The following KIFAP3 variants were observed in gnomAD, a reference collection of about 807,000 sequenced individuals.
KIFAP3 encodes kinesin-associated protein 3.
In KIFAP3, 68 loss-of-function variants were observed where a neutral mutation model predicts 106.5. The observed-to-expected ratio is 0.64, with a 90% CI of 0.53 to 0.78. The LOEUF (loss-of-function observed/expected upper bound fraction) is 0.78. KIFAP3 is among the 30% of genes least tolerant of loss of function. The pLI, the probability that KIFAP3 is intolerant of heterozygous loss-of-function variation, is 0.00. For synonymous variants in KIFAP3, 320 were observed against 311.5 expected, an observed-to-expected ratio of 1.03 and a Z score of -0.29; for missense variants, 780 against 941.8, an observed-to-expected ratio of 0.83 and a Z score of 2.25.
At position 169,982,214 on chromosome 1, in the gene KIFAP3, G is replaced by T; in HGVS notation, c.1673-117C>A. On this transcript the variant is annotated intron_variant, in intron 14 of 19. Transcript: ENST00000361580. Reference sequence around the variant, plus strand: ...TGAAAGCTATTAAATCAAGTCATATGAATCCTTGATATGCTATAAATTTGT... The same window carrying T: ...TGAAAGCTATTAAATCAAGTCATATTAATCCTTGATATGCTATAAATTTGT... 8 of 1,069,764 alleles carry T rather than the reference G, an allele frequency of 7.5e-6. No homozygotes were observed. In the South Asian group the frequency reaches 9.5e-5, roughly 13 times the overall value. 66.3% of individuals were successfully genotyped at this position (1,069,764 alleles called of 1,614,324 possible).
intron 1 of KIFAP3, among the ~76,000 whole-genome samples, chr1:170,070,283 G>C (rs1356394822): frequency 6.6e-6 from 1 of 151,916 alleles, no homozygotes; most frequent in Non-Finnish European, 1.5e-5. Context: ...TTTTTTTGCA[G>C]AAATGAAAAA....
chr1:170,022,374 T>C (rs1271874838), intron 9 of KIFAP3, among the ~76,000 whole-genome samples: 1 of 152,128 alleles, frequency 6.6e-6, no homozygotes, highest in Admixed American at 6.5e-5. Context: ...CCTTTCTCAG[T>C]GTTTCTGGAA....
intron 18 of KIFAP3, among the ~76,000 whole-genome samples, chr1:169,960,102 TTAA>T (rs1401705591): frequency 1.3e-5 from 2 of 152,152 alleles, no homozygotes; most frequent in African/African-American, 4.8e-5. Flanking sequence ...AGTGGTATTA[TTAA>T]TGTGAGTACA....
chr1:170,051,141 A>G (rs1670554323), intron 2 of KIFAP3, among the ~76,000 whole-genome samples: 1 of 151,922 alleles, frequency 6.6e-6, no homozygotes. Flanking sequence ...GAATGGAGGA[A>G]TATTTACCAA....
chr1:170,053,724 C>A (rs147819074), intron 2 of KIFAP3, among the ~76,000 whole-genome samples: 3,748 of 149,998 alleles, frequency 0.025, 201 homozygotes, highest in African/African-American at 0.077. Flanking sequence ...ACAAATCTGA[C>A]AAAAACAAGA....
chr1:170,023,742 T>C (rs1187314364), intron 9 of KIFAP3, among the ~76,000 whole-genome samples: 1 of 152,050 alleles, frequency 6.6e-6, no homozygotes, highest in African/African-American at 2.4e-5. Context: ...ATTTCTATAC[T>C]ATGTATATTC....
intron 17 of KIFAP3, among the ~76,000 whole-genome samples, chr1:169,965,418 C>T (rs756428483): frequency 1.3e-5 from 2 of 151,942 alleles, no homozygotes; most frequent in Non-Finnish European, 2.9e-5. Flanking sequence ...GTGCCCAAAG[C>T]ATATAAAATA....
At chr1:169,986,985 C>T (rs1455686676) in intron 11 of KIFAP3, among the ~76,000 whole-genome samples, 1 of 151,802 alleles carries the variant, frequency 6.6e-6, no homozygotes, top group Non-Finnish European at 1.5e-5. Flanking sequence ...ACTCCCATTC[C>T]CCATATCGAG....
intron 4 of KIFAP3, among the ~76,000 whole-genome samples, chr1:170,039,002 GA>G (rs1289976007): frequency 6.6e-6 from 1 of 152,220 alleles, no homozygotes; most frequent in Non-Finnish European, 1.5e-5. Context: ...AAAATCGCTT[GA>G]ACCCGGGAGG....
intron 3 of KIFAP3, chr1:170,041,959 T>A: frequency 1.1e-6 from 1 of 887,234 alleles, no homozygotes; most frequent in Non-Finnish European, 1.6e-6. Context: ...GTTTTAGAGT[T>A]CTGACTTATC....
chr1:170,003,085 T>C (rs1667746279), intron 10 of KIFAP3, among the ~76,000 whole-genome samples: 1 of 152,180 alleles, frequency 6.6e-6, no homozygotes, highest in African/African-American at 2.4e-5. Context: ...AACATTTTTA[T>C]TAAAGTACAA....
intron 1 of KIFAP3, among the ~76,000 whole-genome samples, chr1:170,058,518 G>C (rs956753350): frequency 4.6e-5 from 7 of 152,084 alleles, no homozygotes; most frequent in Non-Finnish European, 1.0e-4. Flanking sequence ...ACAGTTTACA[G>C]CATGGGTATG....
chr1:170,016,032 AT>A (rs923045084), intron 10 of KIFAP3, among the ~76,000 whole-genome samples: 26 of 152,254 alleles, frequency 1.7e-4, no homozygotes, highest in East Asian at 1.2e-3. Flanking sequence ...ATTAAAAAAA[AT>A]ATACCCTTTT....
At chr1:170,010,293 TCAAA>T (rs888303988) in intron 10 of KIFAP3, among the ~76,000 whole-genome samples, 1 of 151,948 alleles carries the variant, frequency 6.6e-6, no homozygotes, top group Non-Finnish European at 1.5e-5. Flanking sequence ...TCAAAACTAC[TCAAA>T]CAATTTCAGC....
intron 12 of KIFAP3, among the ~76,000 whole-genome samples, chr1:169,984,343 A>C (rs1487816731): frequency 6.6e-6 from 1 of 151,820 alleles, no homozygotes; most frequent in Non-Finnish European, 1.5e-5. Context: ...ATGTTTTAAA[A>C]ATCAAATTTC....
At chr1:170,047,666 A>G (rs1304210864) in intron 2 of KIFAP3, among the ~76,000 whole-genome samples, 1 of 150,850 alleles carries the variant, frequency 6.6e-6, no homozygotes, top group Non-Finnish European at 1.5e-5. Context: ...TTTAAGATCT[A>G]TATGAGGAAT....
chr1:169,933,215 T>C (rs1405880437), intron 19 of KIFAP3, among the ~76,000 whole-genome samples: 2 of 152,024 alleles, frequency 1.3e-5, no homozygotes, highest in African/African-American at 4.8e-5. Context: ...TAGTGGGCAG[T>C]ATTATTTGAT....
At chr1:169,938,232 C>A (rs74533506) in intron 19 of KIFAP3, among the ~76,000 whole-genome samples, 2 of 151,898 alleles carry the variant, frequency 1.3e-5, no homozygotes, top group Non-Finnish European at 2.9e-5. Flanking sequence ...AAGTACACTA[C>A]GAATCCCTTA....
At chr1:170,073,082 A>C (rs1430554468) in intron 1 of KIFAP3, among the ~76,000 whole-genome samples, 2 of 152,234 alleles carry the variant, frequency 1.3e-5, no homozygotes, top group African/African-American at 4.8e-5. Context: ...ATATTACATG[A>C]AAATCAGCTA....
Sources: gnomAD v4.1 joint callset for allele counts (sites outside exome capture counted in the v4.1 genomes callset) on GRCh38, gnomAD v4.1.1 for gene constraint, MANE v1.5 for transcripts, NCBI Gene and HGNC (gene_info 2026-07-23, HGNC 2026-07-21) for gene names.